NABP1: variants seen among roughly 807,000 people sequenced by gnomAD.
The protein encoded by NABP1 is nucleic acid binding protein 1.
NABP1 carries 18 observed loss-of-function variants against 25.0 expected under a neutral mutation model. The ratio of observed to expected loss-of-function variants is 0.72; its 90% CI spans 0.50 to 1.07. NABP1 has a LOEUF of 1.07. Among genes scored for constraint, NABP1 ranks in the 50% least tolerant of loss-of-function variants. The probability of loss-of-function intolerance (pLI) is 0.00; values close to 1 mark genes in which losing one functional copy is unlikely to be tolerated. For missense variants in NABP1, 270 were observed against 255.6 expected (o/e 1.06, Z -0.39); for synonymous variants, 71 against 85.0 (o/e 0.84, Z 0.91).
chr2:191,683,722 C>A lies in NABP1; in HGVS notation c.303-7C>A. The A allele has an allele frequency of 1.2e-6, 2 of 1,606,032 alleles. No homozygotes were observed. Among genetic ancestry groups the A allele is most frequent in the Non-Finnish European group, 1.7e-6 (2 of 1,174,604 alleles). ...AGTCATTTAATTTTTTCTTTATTTT[C>A]TTTCAGATTTTGTATGGTTTATTCA... is the stretch of plus-strand genomic sequence containing the variant. On this transcript the variant is annotated splice_region_variant and splice_polypyrimidine_tract_variant and intron_variant, in intron 3 of 5. Coordinates refer to ENST00000425611, the MANE Select transcript of NABP1 (RefSeq NM_001031716.5). This position sits in a 1 kb window ranked among gnomAD's most constrained non-coding sequence, Gnocchi z 4.1.
In NABP1 at chr2:191,678,793, C is replaced by A. The variant is rs541118436; in HGVS notation, c.91+88C>A. On this transcript the variant is annotated intron_variant, in intron 1 of 5. Coordinates refer to ENST00000425611, the MANE Select transcript of NABP1 (RefSeq NM_001031716.5). ...GCCGGCCGCTGCGCGCCCGGGGCTC[C>A]CCTCCTCCTCCCTCCCCTCCCCCAC... 307 of 1,232,938 alleles carry A rather than the reference C, an allele frequency of 2.5e-4. 2 individuals carry two copies. Among genetic ancestry groups the A allele is most frequent in the Admixed American group, 1.0e-3 (49 of 47,628 alleles). The allele number at this position is 1,232,938 out of a possible 1,614,324, so 76.4% of individuals were successfully genotyped here.
At chr2:191,680,141 A>G (rs1687643585) in intron 2 of NABP1, among the ~76,000 whole-genome samples, 1 of 152,204 alleles carries the variant, frequency 6.6e-6, no homozygotes, top group Admixed American at 6.5e-5. Flanking sequence ...GATTGCTTTT[A>G]GAAATTTACC....
At chr2:191,684,853 G>GGTTTT (rs1687775936) in intron 5 of NABP1, 1 of 152,198 alleles carries the variant, frequency 6.6e-6, no homozygotes, top group Non-Finnish European at 1.5e-5. Context: ...CTCATGTTTT[G>GGTTTT]GTTTTGTTTT....
At chr2:191,684,778 GAA>G (rs1687774159) in intron 5 of NABP1, 1 of 152,284 alleles carries the variant, frequency 6.6e-6, no homozygotes, top group Non-Finnish European at 1.5e-5. Flanking sequence ...AAGGTCTTCT[GAA>G]GTCTTTTTTC....
rs913278398 is a variant in NABP1 at position 191,683,177 on chromosome 2, A to G, written c.303-552A>G. On this transcript the variant is annotated intron_variant, in intron 3 of 5. Coordinates refer to ENST00000425611, the MANE Select transcript of NABP1 (RefSeq NM_001031716.5). The surrounding 1 kb of genome is among the most constrained non-coding windows in gnomAD (Gnocchi z 4.1). ...AAATGCTTCTTTGTAATGTTAGTAC[A>G]CATTATATGGTCAACTTACAGGAAG... The G allele has an allele frequency of 6.1e-6, 1 of 163,392 alleles. No individual in the cohort carries two copies. The highest frequency in any genetic ancestry group is 2.4e-5 in the African/African-American group (1 of 41,514). 10.1% of individuals were successfully genotyped at this position (163,392 alleles called of 1,614,324 possible).
intron 2 of NABP1, among the ~76,000 whole-genome samples, chr2:191,679,405 T>G (rs1463938857): frequency 6.6e-6 from 1 of 152,182 alleles, no homozygotes; most frequent in Non-Finnish European, 1.5e-5. Flanking sequence ...TGGGACCGAG[T>G]CTCGCTCTGT....
Position 191,686,363 on chromosome 2 carries a change from A to G in NABP1, c.*595A>G, listed in dbSNP as rs1156444055. The G allele has an allele frequency of 6.6e-6, 1 of 152,220 alleles. No homozygotes were observed. The highest frequency in any genetic ancestry group is 1.5e-5 in the Non-Finnish European group (1 of 68,056). 9.4% of individuals were successfully genotyped at this position (152,220 alleles called of 1,614,324 possible). A position where few individuals can be genotyped will look rare whatever the true frequency, so the allele number is the denominator to read the frequency against. ...GAATTTGGAATAGAATGTGATCTCT[A>G]TTGCAACAAGTAATTTTAAAAGAAA... On this transcript the variant is annotated 3_prime_UTR_variant, in exon 6 of 6. Coordinates refer to ENST00000425611, the MANE Select transcript of NABP1 (RefSeq NM_001031716.5).
Position 191,681,429 on chromosome 2 carries a change from A to G in NABP1, c.231-517A>G, listed in dbSNP as rs190763859. 3.5e-3 allele frequency among the ~76,000 whole-genome samples: 528 copies of G among 152,342 alleles called. 5 individuals are homozygous for G. The highest frequency in any genetic ancestry group is 5.8e-3 in the South Asian group (28 of 4,830). On this transcript the variant is annotated intron_variant, in intron 2 of 5. Transcript: ENST00000425611. ...AAATCACATGTTTGGAAAGGCAGAT[A>G]GGTGAAGCTTTGTGACCTTAGTGTT...
Position 191,678,551 on chromosome 2 carries a change from TG to T in NABP1, c.-61del. 1.7e-6 allele frequency: 2 copies of T among 1,206,350 alleles called. No individual in the cohort carries two copies. Among genetic ancestry groups the T allele is most frequent in the Non-Finnish European group, 2.4e-6 (2 of 840,932 alleles). The allele number at this position is 1,206,350 out of a possible 1,614,324, so 74.7% of individuals were successfully genotyped here. A position where few individuals can be genotyped will look rare whatever the true frequency, so the allele number is the denominator to read the frequency against. On this transcript the variant is annotated 5_prime_UTR_variant, in exon 1 of 6. Coordinates refer to ENST00000425611, the MANE Select transcript of NABP1 (RefSeq NM_001031716.5). ...TGCCTTCGCCCCTGTCCCGGGAGGGTGGGAAGCTTTGACCCCGCCCTGCCCA... is the reference window on the plus strand; with the variant it reads ...TGCCTTCGCCCCTGTCCCGGGAGGGTGGAAGCTTTGACCCCGCCCTGCCCA...
At position 191,686,446 on chromosome 2, in the gene NABP1, T is replaced by G. The variant is rs751759688; in HGVS notation, c.*678T>G. 6.6e-6 allele frequency: 1 copy of G among 152,222 alleles called. No homozygotes were observed. The highest frequency in any genetic ancestry group is 1.5e-5 in the Non-Finnish European group (1 of 68,034). 9.4% of individuals were successfully genotyped at this position (152,222 alleles called of 1,614,324 possible). ...TGTATTATCAACTTTGTGGATTACA[T>G]TGGAGGAAAATTTAAAACTGGGGCC... On this transcript the variant is annotated 3_prime_UTR_variant, in exon 6 of 6. Coordinates refer to ENST00000425611, the MANE Select transcript of NABP1 (RefSeq NM_001031716.5).
At position 191,678,523 on chromosome 2, in the gene NABP1, C is replaced by T. The variant is rs3209207; in HGVS notation, c.-92C>T. 1 of 902,020 alleles carries T rather than the reference C, an allele frequency of 1.1e-6. No homozygotes were observed. Among genetic ancestry groups the T allele is most frequent in the Non-Finnish European group, 1.7e-6 (1 of 590,838 alleles). 55.9% of individuals were successfully genotyped at this position (902,020 alleles called of 1,614,324 possible). On this transcript the variant is annotated 5_prime_UTR_variant, in exon 1 of 6. Coordinates refer to ENST00000425611, the MANE Select transcript of NABP1 (RefSeq NM_001031716.5). ...TCGCCACCCCTGCCCAAGGTCGCCC[C>T]TCTGCCTTCGCCCCTGTCCCGGGAG...
chr2:191,682,130 T>A, intron 3 of NABP1, 113 bp downstream of exon 3: 1 of 544,852 alleles, frequency 1.8e-6, no homozygotes, highest in East Asian at 3.4e-5. Flanking sequence ...GTAAACTGAA[T>A]GTCTTTGGTA....
At chr2:191,682,558 C>T (rs1215909231) in intron 3 of NABP1, 3 of 471,056 alleles carry the variant, frequency 6.4e-6, no homozygotes, top group Non-Finnish European at 1.3e-5. Context: ...ATGATCTCCA[C>T]CCTGACCTGG....
chr2:191,683,489 C>T lies in NABP1; in HGVS notation c.303-240C>T. On this transcript the variant is annotated intron_variant, in intron 3 of 5. Coordinates refer to ENST00000425611, the MANE Select transcript of NABP1 (RefSeq NM_001031716.5). The surrounding 1 kb of genome is among the most constrained non-coding windows in gnomAD (Gnocchi z 4.1). ...TTGATTTTTGATGTGATTTTTTTTT[C>T]AGCACTAAAGAAGAATTTAAATACA... 1 of 361,796 alleles carries T rather than the reference C, an allele frequency of 2.8e-6. No homozygotes were observed. The allele number at this position is 361,796 out of a possible 1,614,324, so 22.4% of individuals were successfully genotyped here.
At chr2:191,680,718 C>A (rs1028628625) in intron 2 of NABP1, among the ~76,000 whole-genome samples, 1 of 152,084 alleles carries the variant, frequency 6.6e-6, no homozygotes, top group East Asian at 1.9e-4. Context: ...GGAACAATTA[C>A]CTGGGAGTAC....
chr2:191,683,870 T>C lies in NABP1; in HGVS notation c.378+66T>C. 3 of 1,214,352 alleles carry C rather than the reference T, an allele frequency of 2.5e-6. No homozygotes were observed. Among genetic ancestry groups the C allele is most frequent in the Admixed American group, 4.6e-5 (2 of 43,742 alleles). 75.2% of individuals were successfully genotyped at this position (1,214,352 alleles called of 1,614,324 possible). A position where few individuals can be genotyped will look rare whatever the true frequency, so the allele number is the denominator to read the frequency against. The stretch of plus-strand genomic sequence containing the variant: ...CTGTGTTATAATTCTATGATTAGGC[T>C]AGCCCTGTTGATACTTAGTATAAAG... On this transcript the variant is annotated intron_variant, in intron 4 of 5. Transcript: ENST00000425611. The surrounding 1 kb of genome is among the most constrained non-coding windows in gnomAD (Gnocchi z 4.1).
At position 191,683,302 on chromosome 2, in the gene NABP1, C is replaced by T. The variant is rs1216818965; in HGVS notation, c.303-427C>T. On this transcript the variant is annotated intron_variant, in intron 3 of 5. Coordinates refer to ENST00000425611, the MANE Select transcript of NABP1 (RefSeq NM_001031716.5). The surrounding 1 kb of genome is among the most constrained non-coding windows in gnomAD (Gnocchi z 4.1). ...ATTATCTTTGCAGATCCACAGTGAT[C>T]GATCAAAAGAGGGACTGAATGGGAG... The T allele has an allele frequency of 1.5e-5, 3 of 205,886 alleles. No homozygotes were observed. The highest frequency in any genetic ancestry group is 1.6e-4 in the East Asian group (1 of 6,064). 12.8% of individuals were successfully genotyped at this position (205,886 alleles called of 1,614,324 possible). A position where few individuals can be genotyped will look rare whatever the true frequency, so the allele number is the denominator to read the frequency against.
In NABP1 at chr2:191,683,811, G is replaced by A. The variant is rs535192331; in HGVS notation, c.378+7G>A. The A allele has an allele frequency of 1.2e-5, 20 of 1,600,578 alleles. No individual in the cohort carries two copies. In the East Asian group the frequency reaches 4.0e-4, roughly 32 times the overall value. ...AGGACAGCAGAACAAAGGGGTAATT[G>A]TGTAGTATACTTTTATGATTAGGCT... On this transcript the variant is annotated splice_region_variant and intron_variant, in intron 4 of 5. Coordinates refer to ENST00000425611, the MANE Select transcript of NABP1 (RefSeq NM_001031716.5). The surrounding 1 kb of genome is among the most constrained non-coding windows in gnomAD (Gnocchi z 4.1).
intron 5 of NABP1, 146 bp from the exon 6 acceptor site, chr2:191,685,453 A>C: frequency 1.3e-6 from 1 of 771,758 alleles, no homozygotes; most frequent in Non-Finnish European, 2.0e-6. Context: ...AAAAACTTAG[A>C]GCCCACATTG....
Sources: allele counts gnomAD v4.1 joint callset (sites outside exome capture counted in the v4.1 genomes callset), GRCh38; gene constraint gnomAD v4.1.1; non-coding constraint Gnocchi (gnomAD v3.1); transcripts MANE v1.5; gene names NCBI Gene and HGNC (gene_info 2026-07-23, HGNC 2026-07-21).